Variants in MLXIP observed in about 807,000 individuals in gnomAD.
MLXIP encodes MLX-interacting protein.
In MLXIP, 30 loss-of-function variants were observed where a neutral mutation model predicts 87.2. The observed-to-expected ratio is 0.34, with a 90% CI of 0.26 to 0.47. MLXIP has a LOEUF of 0.47. MLXIP is among the 20% of genes least tolerant of loss of function. The pLI is 1.00. For missense variants in MLXIP, 1,002 were observed against 1,240.1 expected, an observed-to-expected ratio of 0.81 and a Z score of 2.88; for synonymous variants, 530 against 514.0, an observed-to-expected ratio of 1.03 and a Z score of -0.42.
chr12:122,107,034 G>C (rs1403952280), intron 1 of MLXIP, among the ~76,000 whole-genome samples: 2 of 152,138 alleles, frequency 1.3e-5, no homozygotes, highest in African/African-American at 4.8e-5. Flanking sequence ...CACTGGCAGG[G>C]GTTCAACGTC....
intron 14 of MLXIP, 75 bp from the exon 15 acceptor site, chr12:122,138,740 C>T: frequency 6.4e-7 from 1 of 1,568,012 alleles, no homozygotes; most frequent in Non-Finnish European, 8.6e-7. Flanking sequence ...ACTGGGCCAG[C>T]CCTGCCATCT....
At chr12:122,127,409 G>A in intron 2 of MLXIP, 47 bp downstream of exon 2, 1 of 1,367,916 alleles carries the variant, frequency 7.3e-7, no homozygotes, top group Non-Finnish European at 1.0e-6. Flanking sequence ...GAACTTCACG[G>A]CCTGGAGGCC....
chr12:122,141,922 C>T lies in MLXIP; in HGVS notation c.*110C>T. On this transcript the variant is annotated 3_prime_UTR_variant, in exon 17 of 17. Coordinates refer to ENST00000319080, the MANE Select transcript of MLXIP (RefSeq NM_014938.6). The stretch of plus-strand genomic sequence containing the variant: ...TGACGCTCAGCCTCGGGGCCTCTCT[C>T]CAACTCTGCCGGCCCACCGTGGCAT... 1 of 1,498,758 alleles carries T rather than the reference C, an allele frequency of 6.7e-7. No homozygotes were observed. The highest frequency in any genetic ancestry group is 9.0e-7 in the Non-Finnish European group (1 of 1,115,450). The allele number at this position is 1,498,758 out of a possible 1,614,324, so 92.8% of individuals were successfully genotyped here. A position where few individuals can be genotyped will look rare whatever the true frequency, so the allele number is the denominator to read the frequency against.
chr12:122,125,452 G>T (rs1299397675), intron 1 of MLXIP, among the ~76,000 whole-genome samples: 1 of 152,184 alleles, frequency 6.6e-6, no homozygotes, highest in African/African-American at 2.4e-5. Context: ...ACATGTATGT[G>T]TGTGTGTATT....
intron 1 of MLXIP, among the ~76,000 whole-genome samples, chr12:122,121,352 G>A (rs1323531665): frequency 7.7e-6 from 1 of 130,106 alleles, no homozygotes; most frequent in Non-Finnish European, 1.6e-5. Flanking sequence ...GTCTTGCTCT[G>A]CTGCCCAGGC....
chr12:122,133,626 C>T lies in MLXIP; in HGVS notation c.1371C>T (p.Ala457=). 6.2e-7 allele frequency: 1 copy of T among 1,612,848 alleles called. No homozygotes were observed. Reference sequence around the variant, plus strand: ...TGTTACCATTAGTTCCTCCTCCTGCCACTGCCCTGAACCCCCCGGCTCCAC... The same window carrying T: ...TGTTACCATTAGTTCCTCCTCCTGCTACTGCCCTGAACCCCCCGGCTCCAC... ...SPVLPLVPPP[A]TALNPPAPPT... The change falls in exon 9 of 17, where the codon GCC becomes GCT. Residue 457 remains alanine, a synonymous_variant. Transcript: ENST00000319080. The surrounding 1 kb of genome is among the most constrained non-coding windows in gnomAD (Gnocchi z 4.9).
chr12:122,133,533 G>A lies in MLXIP; in HGVS notation c.1278G>A (p.Gln426=), dbSNP rs778690953. 3.7e-6 allele frequency: 6 copies of A among 1,609,640 alleles called. No individual in the cohort carries two copies. In the African/African-American group the frequency reaches 8.0e-5, roughly 22 times the overall value. Reference sequence around the variant, plus strand: ...CAGAGCCGCCACTGAGTGTCCCGCAGCCCTTCCTCCCTGTCTTCACCATGC... The same window carrying A: ...CAGAGCCGCCACTGAGTGTCCCGCAACCCTTCCTCCCTGTCTTCACCATGC... ...GPSEPPLSVP[Q]PFLPVFTMPL... Residue 426 remains glutamine (Q), a synonymous_variant, in exon 9 of 17, where the codon CAG becomes CAA. Coordinates refer to ENST00000319080, the MANE Select transcript of MLXIP (RefSeq NM_014938.6). The surrounding 1 kb of genome is among the most constrained non-coding windows in gnomAD (Gnocchi z 4.9).
In MLXIP at chr12:122,130,032, T is replaced by TCATGTCGAG; in HGVS notation, c.837_838insAGCATGTCG (p.Ser279_Glu280insSerMetSer). ...GATCCCCTGCTGGACACAGACATGC[T>TCATGTCGAG]CATGTCGGAATTCAGCGACACCCTC... On this transcript the variant is annotated inframe_insertion, in exon 6 of 17. Coordinates refer to ENST00000319080, the MANE Select transcript of MLXIP (RefSeq NM_014938.6). 6.2e-7 allele frequency: 1 copy of TCATGTCGAG among 1,613,954 alleles called. No individual in the cohort carries two copies.
At chr12:122,087,440 G>A (rs766012815) in intron 1 of MLXIP, among the ~76,000 whole-genome samples, 10 of 152,170 alleles carry the variant, frequency 6.6e-5, no homozygotes, top group Admixed American at 3.3e-4. Context: ...GAAGTCCTCT[G>A]GGGGAGGTGA....
At chr12:122,088,291 G>A (rs1952197535) in intron 1 of MLXIP, among the ~76,000 whole-genome samples, 1 of 152,188 alleles carries the variant, frequency 6.6e-6, no homozygotes, top group South Asian at 2.1e-4. Flanking sequence ...GCTGAGTCTG[G>A]TGGTGCTGGA....
At chr12:122,110,181 G>A (rs907773752) in intron 1 of MLXIP, among the ~76,000 whole-genome samples, 3 of 152,136 alleles carry the variant, frequency 2.0e-5, no homozygotes, top group African/African-American at 7.2e-5. Flanking sequence ...GGTCAGGTAC[G>A]GTGGCTCACG....
intron 1 of MLXIP, among the ~76,000 whole-genome samples, chr12:122,095,345 C>T (rs1952336357): frequency 6.6e-6 from 1 of 151,860 alleles, no homozygotes; most frequent in Admixed American, 6.6e-5. Context: ...ACACTTAGTG[C>T]TTGTGCGGCC....
rs973901687 is a variant in MLXIP, at chr12:122,145,425, C to T, written c.*3613C>T. The T allele has an allele frequency of 2.0e-5, 3 of 152,298 alleles. No individual in the cohort carries two copies. The highest frequency in any genetic ancestry group is 4.4e-5 in the Non-Finnish European group (3 of 68,096). The allele number at this position is 152,298 out of a possible 1,614,324, so 9.4% of individuals were successfully genotyped here. On this transcript the variant is annotated 3_prime_UTR_variant, in exon 17 of 17. Transcript: ENST00000319080. ...ATTTGGATTCTTAGAGGGCATGGCA[C>T]CCCCAGTCCCTGCCCAGATAAAGTA...
rs749615490 is a variant in MLXIP at position 122,132,388 on chromosome 12, A to C, written c.1092+5A>C. ...CCCAACAACCCACCTGCACAGGTAGAGGAAGCTGGGGGATGGGTGGGGGAA... is the reference window on the plus strand; with the variant it reads ...CCCAACAACCCACCTGCACAGGTAGCGGAAGCTGGGGGATGGGTGGGGGAA... On this transcript the variant is annotated splice_donor_5th_base_variant and intron_variant, in intron 8 of 16. Coordinates refer to ENST00000319080, the MANE Select transcript of MLXIP (RefSeq NM_014938.6). 22 of 1,606,674 alleles carry C rather than the reference A, an allele frequency of 1.4e-5. No individual in the cohort carries two copies. Among genetic ancestry groups the C allele is most frequent in the Non-Finnish European group, 2.6e-6 (3 of 1,175,598 alleles).
chr12:122,111,856 C>G (rs2135943098), intron 1 of MLXIP, among the ~76,000 whole-genome samples: 1 of 152,232 alleles, frequency 6.6e-6, no homozygotes, highest in East Asian at 1.9e-4. Context: ...AATAACATTC[C>G]TTAATTTGGT....
chr12:122,093,785 A>G (rs1952292446), intron 1 of MLXIP, among the ~76,000 whole-genome samples: 1 of 81,642 alleles, frequency 1.2e-5, no homozygotes, highest in Non-Finnish European at 2.4e-5. Flanking sequence ...GTGTATTTGC[A>G]GTGTCTGTGT....
chr12:122,117,093 C>G (rs1203892690), intron 1 of MLXIP, among the ~76,000 whole-genome samples: 1 of 152,236 alleles, frequency 6.6e-6, no homozygotes, highest in East Asian at 1.9e-4. Context: ...CCCTCACAAA[C>G]AAGCTGGCAC....
intron 6 of MLXIP, among the ~76,000 whole-genome samples, chr12:122,130,636 C>T (rs901317330): frequency 5.9e-5 from 9 of 151,870 alleles, no homozygotes; most frequent in African/African-American, 1.5e-4. Context: ...CCCTGATACT[C>T]AATTTTACCT....
intron 8 of MLXIP, 126 bp downstream of exon 8, chr12:122,132,509 C>G: frequency 2.7e-6 from 2 of 731,136 alleles, no homozygotes; most frequent in East Asian, 5.4e-5. Context: ...CCAAGCAGTG[C>G]TAGACCAGCA....
Sources: allele counts gnomAD v4.1 joint callset (sites outside exome capture counted in the v4.1 genomes callset), GRCh38; gene constraint gnomAD v4.1.1; non-coding constraint Gnocchi (gnomAD v3.1); transcripts MANE v1.5; gene names NCBI Gene and HGNC (gene_info 2026-07-23, HGNC 2026-07-21).